GALNT10: variants seen among roughly 807,000 people sequenced by gnomAD.
GALNT10 encodes polypeptide N-acetylgalactosaminyltransferase 10, also known as GalNAc transferase 10.
A neutral mutation model predicts 75.0 loss-of-function variants in GALNT10; 41 were observed. The ratio of observed to expected loss-of-function variants is 0.55; its 90% CI spans 0.43 to 0.71. The LOEUF (loss-of-function observed/expected upper bound fraction) is 0.71, where lower values mean the gene tolerates loss of function less well. Among genes scored for constraint, GALNT10 ranks in the 30% least tolerant of loss-of-function variants. The pLI, the probability that GALNT10 is intolerant of heterozygous loss-of-function variation, is 0.00. For missense variants in GALNT10, 727 were observed against 818.5 expected, an observed-to-expected ratio of 0.89 and a Z score of 1.36; for synonymous variants, 302 against 313.0, an observed-to-expected ratio of 0.96 and a Z score of 0.37.
intron 1 of GALNT10, among the ~76,000 whole-genome samples, chr5:154,282,937 G>A (rs1388241053): frequency 6.6e-6 from 1 of 152,168 alleles, no homozygotes; most frequent in East Asian, 1.9e-4. Flanking sequence ...AAGTCACAAA[G>A]GAGCAGTGAG....
intron 4 of GALNT10, among the ~76,000 whole-genome samples, chr5:154,339,194 A>G (rs116355611): frequency 1.5e-3 from 230 of 152,298 alleles, no homozygotes; most frequent in African/African-American, 5.2e-3. Context: ...TGGGAATCAC[A>G]TTGACAGAAG....
At chr5:154,208,880 C>T (rs1446520094) in intron 1 of GALNT10, among the ~76,000 whole-genome samples, 2 of 152,210 alleles carry the variant, frequency 1.3e-5, no homozygotes, top group Non-Finnish European at 2.9e-5. Context: ...GTTGAGTTAA[C>T]AGCACCCAAG....
chr5:154,221,347 G>A (rs919797075), intron 1 of GALNT10, among the ~76,000 whole-genome samples: 1 of 152,102 alleles, frequency 6.6e-6, no homozygotes, highest in Non-Finnish European at 1.5e-5. Flanking sequence ...TATATGACTG[G>A]AGCAGGGAAT....
rs185912464 is a variant in GALNT10, at chr5:154,402,160, G to A, written c.1057-1944G>A. ...GTGTCTCCCTCACTGAAGACCTTCTGTGAAGACTCCTTGTTCTGCCCCGTG... is the reference window on the plus strand; with the variant it reads ...GTGTCTCCCTCACTGAAGACCTTCTATGAAGACTCCTTGTTCTGCCCCGTG... On this transcript the variant is annotated intron_variant, in intron 7 of 11. Transcript: ENST00000297107. The surrounding 1 kb of genome is among the most constrained non-coding windows in gnomAD (Gnocchi z 4.2). Among the ~76,000 whole-genome samples the A allele has an allele frequency of 2.6e-5, 4 of 152,332 alleles. No homozygotes were observed. In the East Asian group the frequency reaches 7.7e-4, roughly 29 times the overall value.
Position 154,370,118 on chromosome 5 carries a change from G to C in GALNT10, c.569-6159G>C, listed in dbSNP as rs1755543534. ...ATCTTCAGCACATAACTTGTTAGCT[G>C]TGTAGCCTTGGACAAGAAATGTTTT... On this transcript the variant is annotated intron_variant, in intron 4 of 11. Coordinates refer to ENST00000297107, the MANE Select transcript of GALNT10 (RefSeq NM_198321.4). 2.6e-5 allele frequency among the ~76,000 whole-genome samples: 4 copies of C among 152,374 alleles called. No homozygotes were observed. The South Asian group carries it at 6.2e-4, about 24-fold the overall frequency.
intron 1 of GALNT10, among the ~76,000 whole-genome samples, chr5:154,231,539 A>AT (rs938970719): frequency 6.6e-6 from 1 of 151,870 alleles, no homozygotes; most frequent in Non-Finnish European, 1.5e-5. Flanking sequence ...TTTATTTTTG[A>AT]TTTTATTTTT....
At chr5:154,217,385 C>A (rs1290979580) in intron 1 of GALNT10, among the ~76,000 whole-genome samples, 1 of 152,178 alleles carries the variant, frequency 6.6e-6, no homozygotes, top group Non-Finnish European at 1.5e-5. Context: ...CATCTCCCTT[C>A]CTGCCTTACA....
intron 1 of GALNT10, among the ~76,000 whole-genome samples, chr5:154,229,305 A>C (rs1232639869): frequency 6.6e-6 from 1 of 152,226 alleles, no homozygotes. Context: ...AAATTCCTGC[A>C]CTACACCACA....
At chr5:154,259,287 A>T (rs1483407562) in intron 1 of GALNT10, among the ~76,000 whole-genome samples, 2 of 152,112 alleles carry the variant, frequency 1.3e-5, no homozygotes, top group African/African-American at 4.8e-5. Context: ...GCTTTGTCTG[A>T]TGTTCTCTCA....
chr5:154,355,279 C>T (rs1755272362), intron 4 of GALNT10, among the ~76,000 whole-genome samples: 1 of 152,234 alleles, frequency 6.6e-6, no homozygotes, highest in African/African-American at 2.4e-5. Flanking sequence ...ATCACACATG[C>T]TTTCATGACC....
At chr5:154,387,850 T>A (rs1284864177) in intron 7 of GALNT10, 1 of 151,662 alleles carries the variant, frequency 6.6e-6, no homozygotes, top group African/African-American at 2.4e-5. Context: ...ACAATTCTTT[T>A]GATGTTATTT....
chr5:154,259,695 A>G (rs913733706), intron 1 of GALNT10, among the ~76,000 whole-genome samples: 7 of 152,182 alleles, frequency 4.6e-5, no homozygotes, highest in African/African-American at 1.4e-4. Flanking sequence ...TCTCTGTGGA[A>G]TGCTGGTTGA....
intron 4 of GALNT10, among the ~76,000 whole-genome samples, chr5:154,343,776 CCTT>C (rs963381580): frequency 1.3e-5 from 2 of 152,160 alleles, no homozygotes; most frequent in Admixed American, 1.3e-4. Context: ...AGCATGTGGC[CCTT>C]CTTGGGACAT....
chr5:154,202,501 G>C (rs1482518175), intron 1 of GALNT10, among the ~76,000 whole-genome samples: 2 of 152,214 alleles, frequency 1.3e-5, no homozygotes, highest in African/African-American at 2.4e-5. Flanking sequence ...TGCCCTTACT[G>C]TTGTCATTTT....
chr5:154,310,613 G>A (rs1039237707), intron 3 of GALNT10, among the ~76,000 whole-genome samples: 3 of 151,936 alleles, frequency 2.0e-5, no homozygotes, highest in Admixed American at 6.6e-5. Flanking sequence ...GATTACAGGC[G>A]CATACCACCC....
In GALNT10 at chr5:154,217,941, C is replaced by A. The variant is rs1037326882; in HGVS notation, c.159+26916C>A. 42 of 847,694 alleles carry A rather than the reference C, an allele frequency of 5.0e-5. No individual in the cohort carries two copies. The Middle Eastern group carries it at 1.8e-3, about 36-fold the overall frequency. 52.5% of individuals were successfully genotyped at this position (847,694 alleles called of 1,614,324 possible). A position where few individuals can be genotyped will look rare whatever the true frequency, so the allele number is the denominator to read the frequency against. Reference sequence around the variant, plus strand: ...TAAATAAATTGTACAGTTTAACTCCCTGATTGGACCTGAATAAAAATGTTG... The same window carrying A: ...TAAATAAATTGTACAGTTTAACTCCATGATTGGACCTGAATAAAAATGTTG... On this transcript the variant is annotated intron_variant, in intron 1 of 11. Transcript: ENST00000297107.
Position 154,191,134 on chromosome 5 carries a change from G to C in GALNT10, c.159+109G>C, listed in dbSNP as rs1053462180. On this transcript the variant is annotated intron_variant, in intron 1 of 11. Coordinates refer to ENST00000297107, the MANE Select transcript of GALNT10 (RefSeq NM_198321.4). ...TGTCTGCCTCCTCAGAGTCAGCTCC[G>C]AGACTCTTCAGCTCTTCCCATTTTC... The C allele has an allele frequency of 2.9e-5, 21 of 730,444 alleles. No homozygotes were observed. In the African/African-American group the frequency reaches 3.7e-4, roughly 13 times the overall value. 45.2% of individuals were successfully genotyped at this position (730,444 alleles called of 1,614,324 possible).
intron 1 of GALNT10, among the ~76,000 whole-genome samples, chr5:154,206,056 T>A (rs896938686): frequency 6.6e-6 from 1 of 152,214 alleles, no homozygotes; most frequent in East Asian, 1.9e-4. Flanking sequence ...TGTGTCTGTA[T>A]GTTATATTTG....
chr5:154,296,102 T>G (rs1336402376), intron 2 of GALNT10, among the ~76,000 whole-genome samples: 1 of 152,076 alleles, frequency 6.6e-6, no homozygotes, highest in Non-Finnish European at 1.5e-5. Context: ...TTTGTTTTGT[T>G]TTCAGATGGA....
Sources: allele counts gnomAD v4.1 joint callset (sites outside exome capture counted in the v4.1 genomes callset), GRCh38; gene constraint gnomAD v4.1.1; non-coding constraint Gnocchi (gnomAD v3.1); transcripts MANE v1.5; gene names NCBI Gene and HGNC (gene_info 2026-07-23, HGNC 2026-07-21).